Variants in PPP1R9A observed in about 807,000 individuals in gnomAD.
PPP1R9A encodes the protein protein phosphatase 1 regulatory subunit 9A, also known as neurabin-1.
A neutral mutation model predicts 141.9 loss-of-function variants in PPP1R9A; 59 were observed. That is an observed-to-expected ratio of 0.42 (90% CI 0.34 to 0.52). The LOEUF is 0.52. PPP1R9A is among the 20% of genes least tolerant of loss of function. The probability of loss-of-function intolerance (pLI) is 0.10; values close to 1 mark genes in which losing one functional copy is unlikely to be tolerated. For synonymous variants in PPP1R9A, 500 were observed against 569.7 expected (o/e 0.88, Z 1.74); for missense variants, 1,444 against 1,611.9 (o/e 0.90, Z 1.78).
At chr7:95,219,342 T>C (rs771766041) in intron 7 of PPP1R9A, among the ~76,000 whole-genome samples, 3 of 152,216 alleles carry the variant, frequency 2.0e-5, no homozygotes, top group Non-Finnish European at 4.4e-5. Flanking sequence ...AGATCCGCTG[T>C]TAGTCTGGTG....
chr7:94,952,410 A>G (rs1796575309), intron 2 of PPP1R9A, among the ~76,000 whole-genome samples: 1 of 152,160 alleles, frequency 6.6e-6, no homozygotes, highest in African/African-American at 2.4e-5. Flanking sequence ...GCTGCAATAA[A>G]CATACATGTG....
At chr7:95,266,131 A>G (rs1384611275) in intron 12 of PPP1R9A, among the ~76,000 whole-genome samples, 1 of 152,106 alleles carries the variant, frequency 6.6e-6, no homozygotes, top group Non-Finnish European at 1.5e-5. Context: ...TACCTATTGT[A>G]GTCCTGGATA....
chr7:95,046,225 T>C (rs1334297081), intron 2 of PPP1R9A, among the ~76,000 whole-genome samples: 4 of 151,594 alleles, frequency 2.6e-5, no homozygotes, highest in Non-Finnish European at 4.4e-5. Flanking sequence ...ATTACAGGAG[T>C]ATGTGCCACC....
In PPP1R9A at chr7:95,186,220, T is replaced by A. The variant is rs139600014; in HGVS notation, c.1755-12129T>A. ...TTTCCTTCAGCAACGTTTTGTAGTT[T>A]TCCTTGTAGAGATCTTTCGAAACTC... is the stretch of plus-strand genomic sequence containing the variant. On this transcript the variant is annotated intron_variant, in intron 5 of 19. Coordinates refer to ENST00000433360, the MANE Select transcript of PPP1R9A (RefSeq NM_001166160.2). Among the ~76,000 whole-genome samples the A allele has an allele frequency of 4.4e-3, 674 of 152,208 alleles. 6 individuals carry two copies. Among genetic ancestry groups the A allele is most frequent in the African/African-American group, 0.015 (638 of 41,548 alleles).
chr7:95,007,315 T>C (rs1347260695), intron 2 of PPP1R9A, among the ~76,000 whole-genome samples: 1 of 152,180 alleles, frequency 6.6e-6, no homozygotes, highest in African/African-American at 2.4e-5. Flanking sequence ...TCCTGTGCAT[T>C]GTAGGATGTT....
intron 8 of PPP1R9A, among the ~76,000 whole-genome samples, chr7:95,237,850 TTATG>T (rs1229173896): frequency 2.0e-5 from 3 of 152,140 alleles, no homozygotes; most frequent in African/African-American, 7.2e-5. Context: ...TTTTTCCATC[TTATG>T]TATGTATTTT....
intron 4 of PPP1R9A, among the ~76,000 whole-genome samples, chr7:95,141,671 G>T (rs1463984790): frequency 1.3e-5 from 2 of 151,256 alleles, no homozygotes; most frequent in African/African-American, 2.4e-5. Flanking sequence ...CGTTTTCAAG[G>T]TTCATTCATG....
intron 7 of PPP1R9A, among the ~76,000 whole-genome samples, chr7:95,222,039 C>T (rs10215400): frequency 2.6e-5 from 4 of 151,972 alleles, no homozygotes; most frequent in African/African-American, 7.2e-5. Context: ...GTACTGCTCC[C>T]GATTCTTTCA....
Position 95,226,063 on chromosome 7 carries a change from A to G in PPP1R9A, c.2059A>G (p.Met687Val). The G allele has an allele frequency of 1.2e-6, 2 of 1,613,662 alleles. No homozygotes were observed. Among genetic ancestry groups the G allele is most frequent in the Non-Finnish European group, 1.7e-6 (2 of 1,179,654 alleles). Residue 687 changes from methionine to valine, a missense_variant, in exon 8 of 20, where the codon ATG (methionine) becomes GTG (valine). Coordinates refer to ENST00000433360, the MANE Select transcript of PPP1R9A (RefSeq NM_001166160.2). ...CTTTGAGCTGCCTGAGAATGAGGAC[A>G]TGTTTTCCCCATCAGAACTGGACAC... ...EVFELPENED[M>V]FSPSELDTSK...
Position 95,268,547 on chromosome 7 carries a change from T to G in PPP1R9A, c.2666-3T>G. 1 of 1,612,918 alleles carries G rather than the reference T, an allele frequency of 6.2e-7. No individual in the cohort carries two copies. The highest frequency in any genetic ancestry group is 8.5e-7 in the Non-Finnish European group (1 of 1,179,238). Reference sequence around the variant, plus strand: ...CTCACTGATTATCTTTCAATATTCTTAGACTTGAATGAAGCAGTCCCAGAG... The same window carrying G: ...CTCACTGATTATCTTTCAATATTCTGAGACTTGAATGAAGCAGTCCCAGAG... On this transcript the variant is annotated splice_region_variant and splice_polypyrimidine_tract_variant and intron_variant, in intron 12 of 19. Transcript: ENST00000433360.
chr7:95,241,574 A>G (rs1797474199), intron 8 of PPP1R9A, among the ~76,000 whole-genome samples: 1 of 152,068 alleles, frequency 6.6e-6, no homozygotes, highest in South Asian at 2.1e-4. Context: ...AGGTACGGCG[A>G]GGCTGGCTCA....
intron 2 of PPP1R9A, among the ~76,000 whole-genome samples, chr7:95,050,133 G>T (rs948477490): frequency 2.0e-5 from 3 of 152,148 alleles, no homozygotes; most frequent in African/African-American, 4.8e-5. Context: ...GTTGTATCAC[G>T]TCCTTAGCAG....
At chr7:95,103,694 T>C (rs1168254981) in intron 2 of PPP1R9A, among the ~76,000 whole-genome samples, 3 of 152,182 alleles carry the variant, frequency 2.0e-5, no homozygotes, top group Non-Finnish European at 4.4e-5. Context: ...AGTAATCCAT[T>C]AAAACACTAG....
At chr7:94,997,289 C>T (rs1802316199) in intron 2 of PPP1R9A, among the ~76,000 whole-genome samples, 1 of 151,632 alleles carries the variant, frequency 6.6e-6, no homozygotes, top group South Asian at 2.1e-4. Flanking sequence ...CTCTTTTTTT[C>T]ACCCATTTAT....
At chr7:94,975,200 T>C (rs1799292227) in intron 2 of PPP1R9A, among the ~76,000 whole-genome samples, 1 of 152,108 alleles carries the variant, frequency 6.6e-6, no homozygotes, top group Non-Finnish European at 1.5e-5. Context: ...ACCTAAAAAT[T>C]GATATGAATC....
intron 2 of PPP1R9A, among the ~76,000 whole-genome samples, chr7:94,973,997 A>G (rs941987606): frequency 6.6e-6 from 1 of 152,172 alleles, no homozygotes; most frequent in African/African-American, 2.4e-5. Context: ...GATTGCAGGC[A>G]TGAGCCACTA....
At chr7:95,007,262 C>T (rs1803751113) in intron 2 of PPP1R9A, among the ~76,000 whole-genome samples, 1 of 152,122 alleles carries the variant, frequency 6.6e-6, no homozygotes, top group Non-Finnish European at 1.5e-5. Flanking sequence ...ATTTTTGATG[C>T]TATTGACATT....
rs539311179 is a variant in PPP1R9A, at chr7:95,059,078, C to T, written c.1396-52181C>T. On this transcript the variant is annotated intron_variant, in intron 2 of 19. Transcript: ENST00000433360. ...GTGTTGGGATTACAGGCATGAGCCA[C>T]CACACCCAGACTCAAAGTGGTAATT... Among the ~76,000 whole-genome samples, 83 of 152,292 alleles carry T rather than the reference C, an allele frequency of 5.5e-4. 1 individual carries two copies. The South Asian group carries it at 0.017, about 31-fold the overall frequency.
chr7:95,180,129 A>G (rs1012607044), intron 5 of PPP1R9A, among the ~76,000 whole-genome samples: 4 of 152,198 alleles, frequency 2.6e-5, no homozygotes, highest in Non-Finnish European at 5.9e-5. Flanking sequence ...AAACTATACT[A>G]TAAGGCCATA....
Sources: gnomAD v4.1 joint callset for allele counts (sites outside exome capture counted in the v4.1 genomes callset) on GRCh38, gnomAD v4.1.1 for gene constraint, MANE v1.5 for transcripts, NCBI Gene and HGNC (gene_info 2026-07-23, HGNC 2026-07-21) for gene names.